Variants in SCFD1 observed in about 807,000 individuals in gnomAD.
SCFD1 encodes sec1 family domain containing 1, also known as sec1 family domain-containing protein 1.
In SCFD1, 37 loss-of-function variants were observed where a neutral mutation model predicts 103.2. The observed-to-expected ratio is 0.36, with a 90% CI of 0.28 to 0.47. The LOEUF (loss-of-function observed/expected upper bound fraction) is 0.47, where lower values mean the gene tolerates loss of function less well. SCFD1 is among the 20% of genes least tolerant of loss of function. SCFD1 has a pLI of 1.00. For missense variants in SCFD1, 639 were observed against 761.2 expected, an observed-to-expected ratio of 0.84 and a Z score of 1.89; for synonymous variants, 264 against 245.0, an observed-to-expected ratio of 1.08 and a Z score of -0.73.
At chr14:30,712,504 C>CT (rs1004604912) in intron 19 of SCFD1, among the ~76,000 whole-genome samples, 8 of 151,902 alleles carry the variant, frequency 5.3e-5, no homozygotes, top group African/African-American at 1.4e-4. Context: ...TCTTAGTTGT[C>CT]TTTTTTTTAA....
At chr14:30,726,724 GTTTGT>G (rs1413934626) in intron 23 of SCFD1, among the ~76,000 whole-genome samples, 2 of 152,218 alleles carry the variant, frequency 1.3e-5, no homozygotes, top group Non-Finnish European at 2.9e-5. Flanking sequence ...TAACTGTTGA[GTTTGT>G]TTTATCATTT....
intron 14 of SCFD1, among the ~76,000 whole-genome samples, chr14:30,679,621 G>A (rs571582156): frequency 3.3e-5 from 5 of 151,512 alleles, no homozygotes; most frequent in African/African-American, 1.2e-4. Flanking sequence ...GACAGACTGC[G>A]TATTTTAGGT....
chr14:30,673,396 C>A, intron 12 of SCFD1, 49 bp downstream of exon 12: 1 of 996,358 alleles, frequency 1.0e-6, no homozygotes, highest in Non-Finnish European at 1.5e-6. Context: ...GGAGGATTAT[C>A]TGTTAGATAA....
intron 9 of SCFD1, chr14:30,652,412 T>C (rs1473523287): frequency 6.6e-6 from 1 of 152,148 alleles, no homozygotes; most frequent in Non-Finnish European, 1.5e-5. Context: ...AATAATATAA[T>C]TAGGTACCAT....
intron 7 of SCFD1, among the ~76,000 whole-genome samples, chr14:30,647,999 T>C (rs1489890701): frequency 1.3e-5 from 2 of 152,190 alleles, no homozygotes; most frequent in African/African-American, 2.4e-5. Flanking sequence ...CAATCTGACA[T>C]AGAAGGATGT....
At chr14:30,704,280 C>G (rs1296137924) in intron 17 of SCFD1, among the ~76,000 whole-genome samples, 1 of 152,014 alleles carries the variant, frequency 6.6e-6, no homozygotes, top group African/African-American at 2.4e-5. Context: ...GGCTCATGAT[C>G]CTTCCATTTC....
At chr14:30,631,177 G>A (rs1312168494) in intron 3 of SCFD1, among the ~76,000 whole-genome samples, 1 of 151,854 alleles carries the variant, frequency 6.6e-6, no homozygotes, top group Non-Finnish European at 1.5e-5. Flanking sequence ...GTGGTGAAAC[G>A]CCATCTTCAC....
chr14:30,709,343 G>A (rs1891701882), intron 19 of SCFD1, among the ~76,000 whole-genome samples: 1 of 151,872 alleles, frequency 6.6e-6, no homozygotes, highest in African/African-American at 2.4e-5. Context: ...TCTTGCCCAG[G>A]CTGGAGTGCA....
At chr14:30,665,574 C>T (rs961558933) in intron 10 of SCFD1, among the ~76,000 whole-genome samples, 11 of 151,752 alleles carry the variant, frequency 7.2e-5, no homozygotes, top group Non-Finnish European at 1.3e-4. Flanking sequence ...GGCTAAATAC[C>T]CCAATTAAAA....
rs186083541 is a variant in SCFD1 at position 30,696,663 on chromosome 14, T to C, written c.1339+1794T>C. Reference sequence around the variant, plus strand: ...AAAGCAGAGTGTCCACATGTGGGAGTAGTCTAGCAAGGTGTGTGAGAACCA... The same window carrying C: ...AAAGCAGAGTGTCCACATGTGGGAGCAGTCTAGCAAGGTGTGTGAGAACCA... On this transcript the variant is annotated intron_variant, in intron 15 of 24. Transcript: ENST00000458591. 1.5e-3 allele frequency among the ~76,000 whole-genome samples: 232 copies of C among 152,124 alleles called. 1 individual carries two copies. Among genetic ancestry groups the C allele is most frequent in the Non-Finnish European group, 2.0e-3 (138 of 67,976 alleles).
intron 6 of SCFD1, among the ~76,000 whole-genome samples, chr14:30,643,029 C>T (rs868797848): frequency 1.3e-5 from 2 of 151,812 alleles, no homozygotes; most frequent in African/African-American, 2.4e-5. Context: ...TTTAATTAGC[C>T]GGGCGTGGTG....
intron 19 of SCFD1, among the ~76,000 whole-genome samples, chr14:30,709,837 T>C (rs1891740776): frequency 6.6e-6 from 1 of 152,236 alleles, no homozygotes; most frequent in South Asian, 2.1e-4. Flanking sequence ...GTCTGCCTTT[T>C]GCTAGATAGA....
chr14:30,656,707 C>G (rs181020074), intron 10 of SCFD1, among the ~76,000 whole-genome samples: 40 of 151,802 alleles, frequency 2.6e-4, no homozygotes, highest in Non-Finnish European at 4.9e-4. Flanking sequence ...ATTCCAGTCT[C>G]AGATCCAGTG....
chr14:30,648,893 G>C (rs1305718644), intron 7 of SCFD1, among the ~76,000 whole-genome samples: 1 of 151,194 alleles, frequency 6.6e-6, no homozygotes, highest in Non-Finnish European at 1.5e-5. Flanking sequence ...AGGATGGTTT[G>C]AGCCCAGCAG....
At chr14:30,637,591 G>A (rs1415940043) in intron 4 of SCFD1, among the ~76,000 whole-genome samples, 1 of 152,096 alleles carries the variant, frequency 6.6e-6, no homozygotes, top group African/African-American at 2.4e-5. Context: ...AGGAAGTATG[G>A]TTATTTCGAT....
chr14:30,714,398 TA>T lies in SCFD1; in HGVS notation c.1630-1515del, dbSNP rs1169795305. Among the ~76,000 whole-genome samples, 769 of 148,674 alleles carry T rather than the reference TA, an allele frequency of 5.2e-3. 6 individuals are homozygous for T. Among genetic ancestry groups the T allele is most frequent in the African/African-American group, 0.018 (722 of 40,758 alleles). On this transcript the variant is annotated intron_variant, in intron 19 of 24. Transcript: ENST00000458591. ...AAAAGGTAAAATTTTGAGCCACCTT[TA>T]AAAAAAAAAATTCTGAATAGTATTC...
rs550862646 is a variant in SCFD1 at position 30,727,351 on chromosome 14, G to A, written c.1836+4792G>A. Among the ~76,000 whole-genome samples the A allele has an allele frequency of 6.6e-5, 10 of 152,336 alleles. 1 individual carries two copies. The South Asian group carries it at 1.5e-3, about 22-fold the overall frequency. Reference sequence around the variant, plus strand: ...CGTTTGTGTGCATTTCAGAGACAACGTGTCCTAATTTTGCCTCCCAAAAGT... The same window carrying A: ...CGTTTGTGTGCATTTCAGAGACAACATGTCCTAATTTTGCCTCCCAAAAGT... On this transcript the variant is annotated intron_variant, in intron 23 of 24. Coordinates refer to ENST00000458591, the MANE Select transcript of SCFD1 (RefSeq NM_016106.4).
chr14:30,627,747 A>G (rs1883642438), intron 1 of SCFD1, among the ~76,000 whole-genome samples: 3 of 55,316 alleles, frequency 5.4e-5, no homozygotes, highest in South Asian at 5.1e-4. Flanking sequence ...CTGTCTCAGA[A>G]AAAAAAAAAA....
chr14:30,681,417 AT>A (rs1196496429), intron 14 of SCFD1, among the ~76,000 whole-genome samples: 2 of 152,058 alleles, frequency 1.3e-5, no homozygotes, highest in African/African-American at 4.8e-5. Flanking sequence ...TTTTGTGTAC[AT>A]TTTAAATTTT....
Sources: gnomAD v4.1 joint callset for allele counts (sites outside exome capture counted in the v4.1 genomes callset) on GRCh38, gnomAD v4.1.1 for gene constraint, MANE v1.5 for transcripts, NCBI Gene and HGNC (gene_info 2026-07-23, HGNC 2026-07-21) for gene names.